CFAP47: variants seen among roughly 807,000 people sequenced by gnomAD.
CFAP47 encodes cilia- and flagella-associated protein 47.
CFAP47 carries 29 observed loss-of-function variants against 148.1 expected under a neutral mutation model. The ratio of observed to expected loss-of-function variants is 0.20; its 90% confidence interval spans 0.15 to 0.27. CFAP47 has a LOEUF of 0.27. Among genes scored for constraint, CFAP47 ranks in the 10% least tolerant of loss-of-function variants. The probability of loss-of-function intolerance (pLI) is 1.00; values close to 1 mark genes in which losing one functional copy is unlikely to be tolerated. For missense variants in CFAP47, 1,872 were observed against 1,697.5 expected (o/e 1.10, Z -1.81); for synonymous variants, 664 against 577.3 (o/e 1.15, Z -2.15).
intron 53 of CFAP47, 80 bp downstream of exon 53, chrX:36,301,259 G>A (rs1355250386): frequency 5.7e-6 from 3 of 529,457 alleles, no homozygotes; most frequent in African/African-American, 2.5e-5. Flanking sequence ...AATGCATTCA[G>A]TTTCTAAAAT....
At chrX:36,286,208 A>G (rs1186970707) in intron 51 of CFAP47, among the ~76,000 whole-genome samples, 1 of 111,712 alleles carries the variant, frequency 9.0e-6, no homozygotes, top group African/African-American at 3.2e-5. Flanking sequence ...GTCAAAAATT[A>G]TTTAATAAAG....
chrX:36,310,357 A>G lies in CFAP47; in HGVS notation c.8188-476A>G, dbSNP rs782515422. Among the ~76,000 whole-genome samples the G allele has an allele frequency of 2.7e-5, 3 of 111,098 alleles. No individual in the cohort carries two copies. The South Asian group carries it at 1.1e-3, about 41-fold the overall frequency. ...GGACTCGATGATGGAGATAAATAAT[A>G]TGGCATGCAATTGTACATACTTCCT... On this transcript the variant is annotated intron_variant, in intron 55 of 63. Transcript: ENST00000378653.
intron 25 of CFAP47, among the ~76,000 whole-genome samples, chrX:36,045,353 C>T (rs745963838): frequency 9.0e-6 from 1 of 111,433 alleles, no homozygotes; most frequent in South Asian, 3.8e-4. Context: ...AAGACAAAGT[C>T]TCCTTTACTT....
At chrX:36,167,444 G>T (rs1939505759) in intron 39 of CFAP47, among the ~76,000 whole-genome samples, 1 of 111,380 alleles carries the variant, frequency 9.0e-6, no homozygotes, top group African/African-American at 3.3e-5. Context: ...TTTTTGACTT[G>T]CTTCTCCCAG....
intron 46 of CFAP47, among the ~76,000 whole-genome samples, chrX:36,234,707 C>A (rs1940428324): frequency 9.0e-6 from 1 of 111,700 alleles, no homozygotes; most frequent in South Asian, 3.7e-4. Flanking sequence ...TTTAGAGTTT[C>A]CAGTTTTTCT....
At chrX:36,220,023 C>T (rs1396139026) in intron 45 of CFAP47, among the ~76,000 whole-genome samples, 1 of 111,204 alleles carries the variant, frequency 9.0e-6, no homozygotes, top group Non-Finnish European at 1.9e-5. Flanking sequence ...TGAGTAAAAC[C>T]AACGTGGAAA....
At chrX:35,964,775 G>T (rs966701140) in intron 8 of CFAP47, among the ~76,000 whole-genome samples, 1 of 111,098 alleles carries the variant, frequency 9.0e-6, no homozygotes, top group African/African-American at 3.3e-5. Context: ...TTTTAGTTAC[G>T]TTACTCTTCA....
rs1936235669 is a variant in CFAP47 at position 35,955,759 on chromosome X, G to A, written c.1175-202G>A. On this transcript the variant is annotated intron_variant, in intron 7 of 63. Coordinates refer to ENST00000378653, the MANE Select transcript of CFAP47 (RefSeq NM_001304548.2). ...CCTCACTAGAATGTAAAGTCCGTAA[G>A]AGCAGGAATGTTGTCTCTTTTATTC... is the stretch of plus-strand genomic sequence containing the variant. Among the ~76,000 whole-genome samples the A allele has an allele frequency of 6.2e-5, 7 of 112,589 alleles. No individual in the cohort carries two copies. In the Admixed American group the frequency reaches 6.6e-4, roughly 11 times the overall value.
intron 57 of CFAP47, among the ~76,000 whole-genome samples, chrX:36,330,402 T>G (rs1031983075): frequency 2.0e-4 from 22 of 112,056 alleles, no homozygotes; most frequent in Non-Finnish European, 3.8e-4. Context: ...CTAGAACATG[T>G]TTTTCTCATT....
intron 49 of CFAP47, among the ~76,000 whole-genome samples, chrX:36,272,173 A>G (rs1940966757): frequency 8.9e-6 from 1 of 112,208 alleles, no homozygotes; most frequent in Admixed American, 9.4e-5. Flanking sequence ...TAAACAAATG[A>G]GATCAAGATT....
At chrX:36,054,929 C>T (rs1005679720) in intron 26 of CFAP47, among the ~76,000 whole-genome samples, 4 of 109,188 alleles carry the variant, frequency 3.7e-5, no homozygotes, top group African/African-American at 1.3e-4. Flanking sequence ...CCCGCCACCA[C>T]GCCCAGCTAA....
rs1034019507 is a variant in CFAP47, at chrX:35,941,770, C to T, written c.517+372C>T. Among the ~76,000 whole-genome samples the T allele has an allele frequency of 9.9e-5, 11 of 111,234 alleles. No homozygotes were observed. In the East Asian group the frequency reaches 1.7e-3, roughly 17 times the overall value. ...GAACTTGAGATTCCTCATTTATAAA[C>T]GGGTGCTGATAAAATGTATGATGAT... On this transcript the variant is annotated intron_variant, in intron 3 of 63. Transcript: ENST00000378653.
chrX:36,187,690 A>G (rs1939822345), intron 40 of CFAP47, among the ~76,000 whole-genome samples: 1 of 111,800 alleles, frequency 8.9e-6, no homozygotes, highest in South Asian at 3.7e-4. Context: ...TAAAAAAGAT[A>G]TAATTTATAG....
chrX:36,046,564 C>G (rs917971948), intron 25 of CFAP47, among the ~76,000 whole-genome samples: 9 of 110,921 alleles, frequency 8.1e-5, no homozygotes, highest in African/African-American at 2.9e-4. Flanking sequence ...TAATTTCTAT[C>G]ATGATGGTGA....
At chrX:36,089,386 GA>G (rs1707111629) in intron 30 of CFAP47, among the ~76,000 whole-genome samples, 2 of 110,853 alleles carry the variant, frequency 1.8e-5, no homozygotes, top group African/African-American at 6.6e-5. Context: ...TAAAAAAAAG[GA>G]AAAAAAGAAA....
chrX:36,235,244 G>T (rs782305309), intron 46 of CFAP47, among the ~76,000 whole-genome samples: 1 of 112,058 alleles, frequency 8.9e-6, no homozygotes, highest in South Asian at 3.7e-4. Flanking sequence ...AGGCAGGCAG[G>T]CCCCCTTGAG....
chrX:35,993,126 A>G, intron 17 of CFAP47, 64 bp from the exon 18 acceptor site: 1 of 280,057 alleles, frequency 3.6e-6, no homozygotes, highest in Non-Finnish European at 6.3e-6. Flanking sequence ...AGGCTTTCCT[A>G]TGAAAGCTTT....
At position 36,372,976 on chromosome X, in the gene CFAP47, T is replaced by C. The variant is rs182761173; in HGVS notation, c.9185+5849T>C. 3.2e-4 allele frequency among the ~76,000 whole-genome samples: 36 copies of C among 111,821 alleles called. 1 individual carries two copies. The highest frequency in any genetic ancestry group is 4.6e-3 in the Middle Eastern group (1 of 219). On this transcript the variant is annotated intron_variant, in intron 62 of 63. Coordinates refer to ENST00000378653, the MANE Select transcript of CFAP47 (RefSeq NM_001304548.2). The stretch of plus-strand genomic sequence containing the variant: ...TATTTTAATTATTGTAGGTTTGTAA[T>C]GTATTTTGATATCAGGTAGTGGGAT...
At chrX:36,382,887 C>T (rs1389759736) in intron 63 of CFAP47, among the ~76,000 whole-genome samples, 1 of 110,952 alleles carries the variant, frequency 9.0e-6, no homozygotes, top group Non-Finnish European at 1.9e-5. Context: ...ATTATTTTAA[C>T]TTCTGTTCTG....
Sources: allele counts gnomAD v4.1 joint callset (sites outside exome capture counted in the v4.1 genomes callset), GRCh38; gene constraint gnomAD v4.1.1; transcripts MANE v1.5; gene names NCBI Gene and HGNC (gene_info 2026-07-23, HGNC 2026-07-21).